The following ANKRD36C variants were observed in gnomAD, a reference collection of about 807,000 sequenced individuals.
ANKRD36C encodes ankyrin repeat domain 36C.
Under a neutral mutation model 276.4 loss-of-function variants are expected in ANKRD36C, and 61 were observed. That is an observed-to-expected ratio of 0.22 (90% CI 0.18 to 0.27). ANKRD36C has a LOEUF of 0.27. ANKRD36C is among the 10% of genes least tolerant of loss of function. The probability of loss-of-function intolerance (pLI) is 1.00; values close to 1 mark genes in which losing one functional copy is unlikely to be tolerated. For missense variants in ANKRD36C, 1,447 were observed against 2,032.3 expected (o/e 0.71, Z 5.54); for synonymous variants, 483 against 680.1 (o/e 0.71, Z 4.51).
chr2:95,989,357 C>T (rs907057754), intron 1 of ANKRD36C, among the ~76,000 whole-genome samples: 11 of 152,082 alleles, frequency 7.2e-5, no homozygotes, highest in Non-Finnish European at 1.5e-4. Flanking sequence ...AATACCCCTG[C>T]CAGAAAAGAA....
intron 46 of ANKRD36C, 22 bp downstream of exon 66, chr2:95,891,643 T>G: frequency 6.5e-7 from 1 of 1,546,166 alleles, no homozygotes; most frequent in Non-Finnish European, 8.7e-7. Context: ...GAACATGACA[T>G]TAAATCTCTT....
At chr2:95,990,010 T>G (rs1370932777) in intron 1 of ANKRD36C, among the ~76,000 whole-genome samples, 1 of 152,230 alleles carries the variant, frequency 6.6e-6, no homozygotes, top group Non-Finnish European at 1.5e-5. Context: ...ATACACATAT[T>G]GTCTTTTAAT....
At chr2:95,897,691 G>A (rs1226959798) in intron 44 of ANKRD36C, among the ~76,000 whole-genome samples, 3 of 144,342 alleles carry the variant, frequency 2.1e-5, no homozygotes, top group Non-Finnish European at 4.6e-5. Context: ...GGTATGATTT[G>A]TCATATGCCA....
chr2:95,982,239 AG>A lies in ANKRD36C; in HGVS notation c.593+16del. ...ACTCAGGTTTAAAAACAACACAATA[AG>A]AACTAAGGTCTGTACCTGCCAAGAT... On this transcript the variant is annotated intron_variant, in intron 4 of 66. Coordinates refer to ENST00000456556, the Ensembl canonical transcript of ANKRD36C. The A allele has an allele frequency of 6.7e-7, 1 of 1,500,224 alleles. No individual in the cohort carries two copies. Among genetic ancestry groups the A allele is most frequent in the South Asian group, 1.3e-5 (1 of 77,282 alleles). The allele number at this position is 1,500,224 out of a possible 1,614,324, so 92.9% of individuals were successfully genotyped here.
exon 30 of ANKRD36C, chr2:95,925,365 C>T: frequency 6.3e-7 from 1 of 1,579,598 alleles, no homozygotes; most frequent in Non-Finnish European, 8.6e-7. Flanking sequence ...TTCCAGATTT[C>T]CCACCGCCCG....
At chr2:95,919,025 G>A (rs112295445) in intron 34 of ANKRD36C, among the ~76,000 whole-genome samples, 8 of 133,512 alleles carry the variant, frequency 6.0e-5, no homozygotes, top group Admixed American at 7.9e-5. Flanking sequence ...TATAAGTAAA[G>A]TCAACAAAAC....
chr2:95,943,975 C>G (rs573983073), intron 19 of ANKRD36C, among the ~76,000 whole-genome samples: 6 of 152,262 alleles, frequency 3.9e-5, no homozygotes, highest in African/African-American at 1.2e-4. Context: ...TAGAAATATT[C>G]AAGTTATTCT....
At chr2:95,944,421 C>A (rs923861592) in intron 19 of ANKRD36C, among the ~76,000 whole-genome samples, 1 of 152,152 alleles carries the variant, frequency 6.6e-6, no homozygotes, top group Non-Finnish European at 1.5e-5. Flanking sequence ...CTATTATTAC[C>A]TTGAGAACTT....
intron 44 of ANKRD36C, 28 bp from the exon 63 acceptor site, chr2:95,893,752 C>T: frequency 1.2e-6 from 2 of 1,604,200 alleles, no homozygotes; most frequent in Non-Finnish European, 1.7e-6. Flanking sequence ...TTCATAATCA[C>T]TCATATGTAA....
chr2:95,903,614 G>T (rs1270203872), intron 42 of ANKRD36C, among the ~76,000 whole-genome samples: 3 of 150,970 alleles, frequency 2.0e-5, no homozygotes, highest in Non-Finnish European at 3.0e-5. Flanking sequence ...AATCACCTTG[G>T]ATATCTGTTT....
intron 46 of ANKRD36C, 114 bp from the exon 67 acceptor site, chr2:95,890,108 T>A: frequency 1.5e-6 from 2 of 1,356,960 alleles, no homozygotes; most frequent in South Asian, 2.4e-5. Context: ...AGTGTAGGCT[T>A]TGATGGCTTC....
At chr2:95,929,385 G>C (rs1344759480) in intron 24 of ANKRD36C, 118 bp from the exon 25 acceptor site, 1 of 799,388 alleles carries the variant, frequency 1.3e-6, no homozygotes, top group Non-Finnish European at 1.9e-6. Flanking sequence ...TATTACTGTA[G>C]GCTTTGATAT....
downstream of ANKRD36C, among the ~76,000 whole-genome samples, chr2:95,849,147 C>T (rs191759177): frequency 0.012 from 1,806 of 152,156 alleles, 17 homozygotes; most frequent in Non-Finnish European, 0.018. Flanking sequence ...GAAACCTCTG[C>T]CTCCCGGGTT....
chr2:95,862,122 G>C (rs1201015899), intron 60 of ANKRD36C, among the ~76,000 whole-genome samples: 3 of 152,046 alleles, frequency 2.0e-5, no homozygotes, highest in Non-Finnish European at 4.4e-5. Context: ...ACTACAAAAA[G>C]TAACAGACAA....
At chr2:95,916,035 T>G (rs561285149) in exon 38 of ANKRD36C, 1 of 1,576,022 alleles carries the variant, frequency 6.3e-7, no homozygotes, top group Admixed American at 1.8e-5. Context: ...AAAAAGAATC[T>G]TTCTCATCAC....
chr2:95,951,385 T>C (rs1573797328), exon 15 of ANKRD36C: 2 of 1,502,016 alleles, frequency 1.3e-6, no homozygotes, highest in Non-Finnish European at 1.8e-6. Context: ...TCTTTCTCTT[T>C]GGGATGTATA....
chr2:95,896,356 T>A (rs1364179083), intron 44 of ANKRD36C, among the ~76,000 whole-genome samples: 1 of 148,840 alleles, frequency 6.7e-6, no homozygotes, highest in Non-Finnish European at 1.5e-5. Flanking sequence ...TAATCAGTTT[T>A]TCATTCAGAA....
intron 44 of ANKRD36C, among the ~76,000 whole-genome samples, chr2:95,896,498 A>T (rs1379618773): frequency 9.3e-5 from 14 of 149,914 alleles, no homozygotes. Flanking sequence ...TAGCTATTTT[A>T]TCCAAGAGGT....
chr2:95,871,584 G>A (rs564622988), intron 59 of ANKRD36C, among the ~76,000 whole-genome samples: 9 of 151,986 alleles, frequency 5.9e-5, no homozygotes, highest in Non-Finnish European at 1.0e-4. Context: ...AAAGACCATC[G>A]AGACTAGGAA....
Sources: allele counts gnomAD v4.1 joint callset (sites outside exome capture counted in the v4.1 genomes callset), GRCh38; gene constraint gnomAD v4.1.1; transcripts MANE v1.5; gene names NCBI Gene and HGNC (gene_info 2026-07-23, HGNC 2026-07-21).